NECTIN1: variants seen among roughly 807,000 people sequenced by gnomAD.
The protein encoded by NECTIN1 is nectin-1.
A neutral mutation model predicts 48.0 loss-of-function variants in NECTIN1; 23 were observed. The observed-to-expected ratio is 0.48, with a 90% CI of 0.34 to 0.68. The LOEUF is 0.68. Among genes scored for constraint, NECTIN1 ranks in the 30% least tolerant of loss-of-function variants. NECTIN1 has a pLI of 0.01. For missense variants in NECTIN1, 591 were observed against 709.9 expected, an observed-to-expected ratio of 0.83 and a Z score of 1.90; for synonymous variants, 270 against 288.9, an observed-to-expected ratio of 0.93 and a Z score of 0.66.
chr11:119,643,621 C>T (rs886123573), intron 5 of NECTIN1, among the ~76,000 whole-genome samples: 2 of 152,370 alleles, frequency 1.3e-5, no homozygotes, highest in South Asian at 2.1e-4. Flanking sequence ...GTTGCTTTGT[C>T]TCTGAGCCTC....
At chr11:119,693,056 C>T (rs975934577) in intron 1 of NECTIN1, among the ~76,000 whole-genome samples, 10 of 152,310 alleles carry the variant, frequency 6.6e-5, no homozygotes, top group Middle Eastern at 3.4e-3. Flanking sequence ...ACCTCCACCT[C>T]CCCCAGGACT....
chr11:119,690,005 C>T (rs918223554), intron 1 of NECTIN1, among the ~76,000 whole-genome samples: 1 of 152,256 alleles, frequency 6.6e-6, no homozygotes, highest in Admixed American at 6.5e-5. Context: ...TTGCACGTAA[C>T]GTCTGGGTTA....
chr11:119,639,471 G>T, intron 6 of NECTIN1: 1 of 311,148 alleles, frequency 3.2e-6, no homozygotes, highest in Non-Finnish European at 6.1e-6. Context: ...TATACTTTGT[G>T]CCTCTCTCTC....
intron 1 of NECTIN1, among the ~76,000 whole-genome samples, chr11:119,679,574 C>T (rs937634208): frequency 2.6e-5 from 4 of 152,210 alleles, no homozygotes; most frequent in African/African-American, 7.2e-5. Flanking sequence ...GTCCACATCT[C>T]TCCATCAGCC....
chr11:119,713,769 AC>A, intron 1 of NECTIN1: 2 of 445,570 alleles, frequency 4.5e-6, no homozygotes, highest in Non-Finnish European at 9.0e-6. Context: ...TCACCTCCTC[AC>A]CCCCCGCCCT....
chr11:119,654,270 TCC>T (rs1864535533), intron 5 of NECTIN1: 1 of 151,856 alleles, frequency 6.6e-6, no homozygotes, highest in South Asian at 2.1e-4. Flanking sequence ...CATCCATCCA[TCC>T]ATCCATCCAT....
intron 5 of NECTIN1, 53 bp downstream of exon 5, chr11:119,675,106 G>A: frequency 6.2e-7 from 1 of 1,604,538 alleles, no homozygotes; most frequent in Non-Finnish European, 8.5e-7. Flanking sequence ...AGGGATGCAG[G>A]TGGCGAAGGA....
intron 1 of NECTIN1, among the ~76,000 whole-genome samples, chr11:119,721,500 T>G (rs1213025716): frequency 6.6e-6 from 1 of 152,236 alleles, no homozygotes; most frequent in Non-Finnish European, 1.5e-5. Context: ...CCAGTGGAAC[T>G]AATGTCCTCT....
chr11:119,689,071 G>C (rs1230233815), intron 1 of NECTIN1, among the ~76,000 whole-genome samples: 4 of 152,148 alleles, frequency 2.6e-5, no homozygotes, highest in Non-Finnish European at 5.9e-5. Flanking sequence ...TCTTCCTTCG[G>C]CTGGTAAACT....
At chr11:119,697,553 T>C (rs1322606222) in intron 1 of NECTIN1, among the ~76,000 whole-genome samples, 4 of 152,242 alleles carry the variant, frequency 2.6e-5, no homozygotes, top group African/African-American at 9.6e-5. Context: ...CACTATTGGC[T>C]GAATACCTTC....
downstream of NECTIN1, among the ~76,000 whole-genome samples, chr11:119,659,613 T>C (rs1864627933): frequency 6.6e-6 from 1 of 152,154 alleles, no homozygotes; most frequent in Non-Finnish European, 1.5e-5. Flanking sequence ...CCAGTATCCT[T>C]TGGGCCGGGA....
At chr11:119,715,775 C>T (rs895154059) in intron 1 of NECTIN1, among the ~76,000 whole-genome samples, 1 of 152,132 alleles carries the variant, frequency 6.6e-6, no homozygotes, top group Non-Finnish European at 1.5e-5. Flanking sequence ...ACCCACAAGG[C>T]CCTAGCTCCA....
chr11:119,652,816 GGA>G (rs547825446), intron 5 of NECTIN1, among the ~76,000 whole-genome samples: 39 of 152,250 alleles, frequency 2.6e-4, no homozygotes, highest in African/African-American at 9.1e-4. Flanking sequence ...TGAGGGTGAT[GGA>G]CCCCAAAGTT....
intron 1 of NECTIN1, among the ~76,000 whole-genome samples, chr11:119,695,962 T>C (rs1253048396): frequency 6.6e-6 from 1 of 152,226 alleles, no homozygotes; most frequent in Non-Finnish European, 1.5e-5. Context: ...CATGAGGTTA[T>C]ATAATAAACT....
At chr11:119,658,591 C>G (rs1231558378), downstream of NECTIN1, among the ~76,000 whole-genome samples, 2 of 152,146 alleles carry the variant, frequency 1.3e-5, no homozygotes, top group Admixed American at 1.3e-4. Context: ...ACTTTCCCAC[C>G]CAATCCATGT....
At chr11:119,692,390 G>A (rs1000494889) in intron 1 of NECTIN1, among the ~76,000 whole-genome samples, 21 of 151,888 alleles carry the variant, frequency 1.4e-4, no homozygotes, top group Admixed American at 5.2e-4. Context: ...CCTGAAAGCC[G>A]AGAAGTGGCT....
intron 6 of NECTIN1, chr11:119,639,450 G>T: frequency 4.2e-6 from 1 of 238,196 alleles, no homozygotes; most frequent in Non-Finnish European, 8.2e-6. Context: ...TGAGGGTTTT[G>T]GCTCCCCCCA....
At chr11:119,723,744 C>T (rs1163699076) in intron 1 of NECTIN1, among the ~76,000 whole-genome samples, 1 of 152,198 alleles carries the variant, frequency 6.6e-6, no homozygotes, top group East Asian at 1.9e-4. Context: ...CGAGAGAATC[C>T]AGAGCTTAAA....
chr11:119,698,234 C>G (rs891915442), intron 1 of NECTIN1, among the ~76,000 whole-genome samples: 4 of 152,260 alleles, frequency 2.6e-5, no homozygotes. Context: ...TCATACCCCA[C>G]CAGAGTTGGG....
Sources: allele counts gnomAD v4.1 joint callset (sites outside exome capture counted in the v4.1 genomes callset), GRCh38; gene constraint gnomAD v4.1.1; transcripts MANE v1.5; gene names NCBI Gene and HGNC (gene_info 2026-07-23, HGNC 2026-07-21).